The following GOLM2 variants were observed in gnomAD, a reference collection of about 807,000 sequenced individuals.
The protein encoded by GOLM2 is protein GOLM2.
In GOLM2, 26 loss-of-function variants were observed where a neutral mutation model predicts 55.9. That is an observed-to-expected ratio of 0.47 (90% CI 0.34 to 0.65). The LOEUF (loss-of-function observed/expected upper bound fraction) is 0.65. Ranked by LOEUF, GOLM2 falls within the 30% of genes least tolerant of loss-of-function variation. The pLI is 0.01. For synonymous variants in GOLM2, 165 were observed against 194.6 expected, an observed-to-expected ratio of 0.85 and a Z score of 1.27; for missense variants, 486 against 531.8, an observed-to-expected ratio of 0.91 and a Z score of 0.85.
chr15:44,337,422 C>T (rs2141146013), intron 4 of GOLM2, among the ~76,000 whole-genome samples: 1 of 152,010 alleles, frequency 6.6e-6, no homozygotes, highest in Non-Finnish European at 1.5e-5. Flanking sequence ...GCCCATAGCA[C>T]CCAGGAAGAT....
rs1002270441 is a variant in GOLM2, at chr15:44,383,223, G to C, written c.1072+2247G>C. Among the ~76,000 whole-genome samples, 6 of 151,656 alleles carry C rather than the reference G, an allele frequency of 4.0e-5. No individual in the cohort carries two copies. In the East Asian group the frequency reaches 1.2e-3, roughly 29 times the overall value. ...CTCCTCTCATTGTTTAGATCATTTC[G>C]TATTTTCTCATTGTAGCTGTCATGA... On this transcript the variant is annotated intron_variant, in intron 8 of 9. Transcript: ENST00000299957.
intron 6 of GOLM2, among the ~76,000 whole-genome samples, chr15:44,349,777 C>T (rs1595640977): frequency 2.0e-5 from 3 of 152,104 alleles, no homozygotes; most frequent in Admixed American, 2.0e-4. Context: ...AAAAAATTGA[C>T]GTTATATCAA....
intron 6 of GOLM2, among the ~76,000 whole-genome samples, chr15:44,375,694 C>G (rs2079360050): frequency 6.6e-6 from 1 of 152,076 alleles, no homozygotes; most frequent in Non-Finnish European, 1.5e-5. Flanking sequence ...GGTGGGAGGA[C>G]TGCTTGAGCC....
rs1292938313 is a variant in GOLM2 at position 44,337,655 on chromosome 15, T to C, written c.577-108T>C. The C allele has an allele frequency of 2.4e-5, 17 of 715,570 alleles. No individual in the cohort carries two copies. In the East Asian group the frequency reaches 5.0e-4, roughly 21 times the overall value. The allele number at this position is 715,570 out of a possible 1,614,324, so 44.3% of individuals were successfully genotyped here. On this transcript the variant is annotated intron_variant, in intron 4 of 9. Coordinates refer to ENST00000299957, the MANE Select transcript of GOLM2 (RefSeq NM_138423.4). ...TCCAATTGTTCATTATTTGAACCCA[T>C]GGTATATGTTTTACAAGATGAACTG...
chr15:44,373,726 C>T (rs765106648), intron 6 of GOLM2, among the ~76,000 whole-genome samples: 5 of 152,178 alleles, frequency 3.3e-5, no homozygotes, highest in Non-Finnish European at 7.3e-5. Flanking sequence ...TGCACTCCAA[C>T]CTGGCTGACA....
At chr15:44,338,181 AT>A (rs1167358966) in intron 5 of GOLM2, 55 bp from the exon 6 acceptor site, 2 of 1,522,160 alleles carry the variant, frequency 1.3e-6, no homozygotes, top group Non-Finnish European at 1.8e-6. Context: ...CCTTCAAAAC[AT>A]TTTCAAATTA....
rs2078726320 is a variant in GOLM2, at chr15:44,292,242, G to C, written c.327+2886G>C. On this transcript the variant is annotated intron_variant, in intron 1 of 9. Coordinates refer to ENST00000299957, the MANE Select transcript of GOLM2 (RefSeq NM_138423.4). ...AGACAGAGTCTCGCTCGGTTAAGCAGGCTGGAGTACAGTGGTGTGATCTCG... is the reference window on the plus strand; with the variant it reads ...AGACAGAGTCTCGCTCGGTTAAGCACGCTGGAGTACAGTGGTGTGATCTCG... Among the ~76,000 whole-genome samples the C allele has an allele frequency of 4.7e-5, 7 of 149,762 alleles. No individual in the cohort carries two copies. The South Asian group carries it at 1.5e-3, about 31-fold the overall frequency.
Position 44,367,474 on chromosome 15 carries a change from G to A in GOLM2, c.803-12216G>A, listed in dbSNP as rs920655983. ...CAGATATAGAAATCTGGGCTGATAC[G>A]TTGAGGGCATTCATTTAGCATGTTA... is the stretch of plus-strand genomic sequence containing the variant. On this transcript the variant is annotated intron_variant, in intron 6 of 9. Transcript: ENST00000299957. Among the ~76,000 whole-genome samples, 15 of 152,158 alleles carry A rather than the reference G, an allele frequency of 9.9e-5. 3 individuals are homozygous for A. The highest frequency in any genetic ancestry group is 1.2e-4 in the African/African-American group (5 of 41,524).
At chr15:44,381,610 G>A (rs913493347) in intron 8 of GOLM2, among the ~76,000 whole-genome samples, 1 of 152,084 alleles carries the variant, frequency 6.6e-6, no homozygotes, top group Non-Finnish European at 1.5e-5. Context: ...GCTTCAGTTT[G>A]TCTTTGGTTT....
At chr15:44,316,167 C>A (rs1222037521) in intron 1 of GOLM2, among the ~76,000 whole-genome samples, 2 of 152,172 alleles carry the variant, frequency 1.3e-5, no homozygotes, top group Non-Finnish European at 2.9e-5. Flanking sequence ...ATTAATTTCT[C>A]AACAGCAGGG....
At chr15:44,343,752 G>C (rs1447545113) in intron 6 of GOLM2, among the ~76,000 whole-genome samples, 2 of 150,962 alleles carry the variant, frequency 1.3e-5, no homozygotes, top group Non-Finnish European at 2.9e-5. Flanking sequence ...TTGAGCCCAG[G>C]AGGCAGAGCT....
chr15:44,378,032 ATTAT>A (rs534507298), intron 6 of GOLM2, among the ~76,000 whole-genome samples: 18 of 148,746 alleles, frequency 1.2e-4, no homozygotes, highest in Non-Finnish European at 1.5e-4. Context: ...TATTTTTTAA[ATTAT>A]TTATTTATTT....
chr15:44,385,443 T>C (rs2079437956), intron 8 of GOLM2, among the ~76,000 whole-genome samples: 1 of 150,298 alleles, frequency 6.7e-6, no homozygotes, highest in South Asian at 2.2e-4. Flanking sequence ...TTCCTTGTGG[T>C]TTTTATTTGC....
chr15:44,317,940 C>T (rs938585912), intron 1 of GOLM2, among the ~76,000 whole-genome samples: 3 of 152,126 alleles, frequency 2.0e-5, no homozygotes, highest in Non-Finnish European at 2.9e-5. Context: ...ACTATTCTTC[C>T]CCTTTAATAT....
At chr15:44,369,192 GTA>G (rs200553691) in intron 6 of GOLM2, among the ~76,000 whole-genome samples, 3,770 of 117,476 alleles carry the variant, frequency 0.032, 213 homozygotes, top group African/African-American at 0.13. Context: ...ATATGTGTGT[GTA>G]TATATATATA....
At chr15:44,410,302 G>A (rs1344981229) in intron 9 of GOLM2, among the ~76,000 whole-genome samples, 3 of 151,962 alleles carry the variant, frequency 2.0e-5, no homozygotes, top group Admixed American at 6.6e-5. Flanking sequence ...TTAGCTGGGC[G>A]TGGTGGCGGG....
At chr15:44,336,773 G>A (rs1051610019) in intron 4 of GOLM2, among the ~76,000 whole-genome samples, 7 of 151,872 alleles carry the variant, frequency 4.6e-5, no homozygotes, top group East Asian at 2.0e-4. Context: ...AAAATTAGCC[G>A]GGTGTGGTGG....
intron 6 of GOLM2, chr15:44,355,809 A>G (rs2079194317): frequency 6.5e-6 from 1 of 153,248 alleles, no homozygotes; most frequent in African/African-American, 2.4e-5. Context: ...CCCCTCCACC[A>G]CAGTTTTCAT....
At position 44,413,639 on chromosome 15, in the gene GOLM2, G is replaced by T; in HGVS notation, c.*233G>T. On this transcript the variant is annotated 3_prime_UTR_variant, in exon 10 of 10. Transcript: ENST00000299957. ...TTATGATACAGTTAAGCCAAAAACA[G>T]CTAATCTTTGCATCTAAAGCAAACT... is the stretch of plus-strand genomic sequence containing the variant. The T allele has an allele frequency of 2.5e-6, 1 of 407,044 alleles. No individual in the cohort carries two copies. The highest frequency in any genetic ancestry group is 4.2e-5 in the Admixed American group (1 of 23,722). 25.2% of individuals were successfully genotyped at this position (407,044 alleles called of 1,614,324 possible).
Sources: allele counts gnomAD v4.1 joint callset (sites outside exome capture counted in the v4.1 genomes callset), GRCh38; gene constraint gnomAD v4.1.1; transcripts MANE v1.5; gene names NCBI Gene and HGNC (gene_info 2026-07-23, HGNC 2026-07-21).